EVI5: variants seen among roughly 807,000 people sequenced by gnomAD.
The protein encoded by EVI5 is ecotropic viral integration site 5.
EVI5 carries 73 observed loss-of-function variants against 112.0 expected under a neutral mutation model. The observed-to-expected ratio is 0.65, with a 90% confidence interval of 0.54 to 0.79. The LOEUF is 0.79. Ranked by LOEUF, EVI5 falls within the 30% of genes least tolerant of loss-of-function variation. The pLI is 0.00. For missense variants in EVI5, 900 were observed against 968.8 expected, an observed-to-expected ratio of 0.93 and a Z score of 0.94; for synonymous variants, 305 against 319.9, an observed-to-expected ratio of 0.95 and a Z score of 0.50.
intron 18 of EVI5, among the ~76,000 whole-genome samples, chr1:92,571,390 G>A (rs1670304874): frequency 6.6e-6 from 1 of 151,892 alleles, no homozygotes; most frequent in Admixed American, 6.6e-5. Context: ...TGATTCAACA[G>A]TCTGCCTTAA....
At chr1:92,735,276 A>T (rs1225274686) in intron 2 of EVI5, among the ~76,000 whole-genome samples, 4 of 152,186 alleles carry the variant, frequency 2.6e-5, no homozygotes. Context: ...AATTATGCTG[A>T]GTGAAATAAT....
intron 1 of EVI5, among the ~76,000 whole-genome samples, chr1:92,771,345 C>T (rs2103042641): frequency 6.6e-6 from 1 of 152,166 alleles, no homozygotes; most frequent in Non-Finnish European, 1.5e-5. Context: ...ATATCTCATA[C>T]TTCCTTTACT....
At chr1:92,729,147 T>C (rs1473925538) in intron 2 of EVI5, among the ~76,000 whole-genome samples, 1 of 152,324 alleles carries the variant, frequency 6.6e-6, no homozygotes, top group East Asian at 1.9e-4. Context: ...AAATCTTCTA[T>C]CTGTGAAACT....
chr1:92,645,299 T>C (rs750871836), intron 13 of EVI5, among the ~76,000 whole-genome samples: 1 of 152,192 alleles, frequency 6.6e-6, no homozygotes, highest in Non-Finnish European at 1.5e-5. Context: ...TTGTCTATGA[T>C]ACTAATGCAG....
chr1:92,535,903 T>C (rs944026170), intron 19 of EVI5, among the ~76,000 whole-genome samples: 13 of 151,772 alleles, frequency 8.6e-5, no homozygotes, highest in Admixed American at 5.9e-4. Context: ...GAACTTACAG[T>C]ATAATAAAAA....
chr1:92,533,925 G>T (rs898992190), intron 19 of EVI5, among the ~76,000 whole-genome samples: 3 of 152,128 alleles, frequency 2.0e-5, no homozygotes, highest in Admixed American at 6.5e-5. Context: ...GGAAGTTCTG[G>T]CCAGGGCAAT....
chr1:92,689,845 C>T (rs762963267), intron 9 of EVI5, among the ~76,000 whole-genome samples: 1 of 152,172 alleles, frequency 6.6e-6, no homozygotes, highest in Non-Finnish European at 1.5e-5. Flanking sequence ...ACCATTCCCA[C>T]TAACTCTTTT....
upstream of EVI5, among the ~76,000 whole-genome samples, chr1:92,786,322 A>T (rs1685638611): frequency 6.6e-6 from 1 of 151,896 alleles, no homozygotes; most frequent in Non-Finnish European, 1.5e-5. Flanking sequence ...CCCTCCACCC[A>T]GCTAAAAACT....
chr1:92,586,373 T>G (rs1233068596), intron 18 of EVI5, among the ~76,000 whole-genome samples: 1 of 152,210 alleles, frequency 6.6e-6, no homozygotes, highest in Non-Finnish European at 1.5e-5. Flanking sequence ...TAACTCACAT[T>G]TATTAATTTA....
chr1:92,709,026 T>A (rs1672445538), intron 2 of EVI5, among the ~76,000 whole-genome samples: 1 of 152,186 alleles, frequency 6.6e-6, no homozygotes, highest in South Asian at 2.1e-4. Flanking sequence ...TAAAATTGAT[T>A]GTGTTGACAA....
At chr1:92,613,336 T>C (rs1290703662) in intron 16 of EVI5, among the ~76,000 whole-genome samples, 2 of 152,240 alleles carry the variant, frequency 1.3e-5, no homozygotes, top group Admixed American at 1.3e-4. Flanking sequence ...TTCACTCTTG[T>C]TGCCCAGGCT....
intron 2 of EVI5, among the ~76,000 whole-genome samples, chr1:92,716,578 A>C (rs1179649561): frequency 1.3e-5 from 2 of 152,244 alleles, no homozygotes; most frequent in Non-Finnish European, 2.9e-5. Flanking sequence ...AAAGGATCGC[A>C]GCTCCTCGCC....
intron 2 of EVI5, among the ~76,000 whole-genome samples, chr1:92,725,234 C>T (rs530916747): frequency 2.0e-5 from 3 of 152,282 alleles, no homozygotes; most frequent in Non-Finnish European, 1.5e-5. Context: ...TAGATGTAAC[C>T]ATGGCTAACA....
intron 16 of EVI5, among the ~76,000 whole-genome samples, chr1:92,609,262 T>G (rs186712767): frequency 6.6e-6 from 1 of 152,352 alleles, no homozygotes; most frequent in African/African-American, 2.4e-5. Context: ...TCAGTAGAGA[T>G]AGTACTACTT....
Position 92,512,330 on chromosome 1 carries a change from A to G in EVI5, c.*1326T>C, listed in dbSNP as rs201270386. On this transcript the variant is annotated 3_prime_UTR_variant, in exon 20 of 20. Transcript: ENST00000684568. ...TTCAGTAGAATATTAGCACTAACTA[A>G]TATGTGCTATAACCTCTTCAGTCAT... 19 of 152,686 alleles carry G rather than the reference A, an allele frequency of 1.2e-4. No individual in the cohort carries two copies. In the South Asian group the frequency reaches 3.5e-3, roughly 28 times the overall value. The allele number at this position is 152,686 out of a possible 1,614,324, so 9.5% of individuals were successfully genotyped here.
At chr1:92,636,389 A>C in intron 13 of EVI5, 53 bp from the exon 14 acceptor site, 1 of 1,444,460 alleles carries the variant, frequency 6.9e-7, no homozygotes. Context: ...ACATGTATAT[A>C]CAATAAAAAC....
intron 4 of EVI5, among the ~76,000 whole-genome samples, chr1:92,702,611 G>A (rs1170155840): frequency 6.6e-6 from 1 of 151,834 alleles, no homozygotes; most frequent in Non-Finnish European, 1.5e-5. Context: ...TTCGAGATCA[G>A]CCTGGCCAAC....
intron 13 of EVI5, among the ~76,000 whole-genome samples, chr1:92,640,671 TCAAC>T (rs1254494686): frequency 1.3e-5 from 2 of 151,758 alleles, no homozygotes; most frequent in Admixed American, 1.3e-4. Context: ...GTAAATTAGT[TCAAC>T]CAACACGGTT....
At chr1:92,632,506 G>A (rs1657398226) in intron 14 of EVI5, among the ~76,000 whole-genome samples, 1 of 152,126 alleles carries the variant, frequency 6.6e-6, no homozygotes, top group Admixed American at 6.5e-5. Flanking sequence ...TTGTATTTCT[G>A]TGGGATAGTT....
Sources: gnomAD v4.1 joint callset for allele counts (sites outside exome capture counted in the v4.1 genomes callset) on GRCh38, gnomAD v4.1.1 for gene constraint, MANE v1.5 for transcripts, NCBI Gene and HGNC (gene_info 2026-07-23, HGNC 2026-07-21) for gene names.